AMPH: variants seen among roughly 807,000 people sequenced by gnomAD.
The protein encoded by AMPH is amphiphysin (Stiff-Mann syndrome with breast cancer 128kD autoantigen).
AMPH carries 49 observed loss-of-function variants against 99.1 expected under a neutral mutation model. That is an observed-to-expected ratio of 0.49 (90% CI 0.39 to 0.63). The LOEUF is 0.63. Ranked by LOEUF, AMPH falls within the 20% of genes least tolerant of loss-of-function variation. AMPH has a pLI of 0.00. For missense variants in AMPH, 759 were observed against 863.4 expected (o/e 0.88, Z 1.52); for synonymous variants, 314 against 317.3 (o/e 0.99, Z 0.11).
chr7:38,471,404 C>T (rs1364127587), intron 7 of AMPH, among the ~76,000 whole-genome samples: 1 of 152,152 alleles, frequency 6.6e-6, no homozygotes, highest in Non-Finnish European at 1.5e-5. Flanking sequence ...CCTTTACAAC[C>T]TGCAATCATA....
chr7:38,439,221 T>C (rs185871307), intron 11 of AMPH, among the ~76,000 whole-genome samples: 5 of 152,346 alleles, frequency 3.3e-5, no homozygotes, highest in Admixed American at 6.5e-5. Context: ...AAACCTTTTT[T>C]TCTTTATAAA....
intron 1 of AMPH, among the ~76,000 whole-genome samples, chr7:38,561,810 C>T (rs1326965731): frequency 6.6e-6 from 1 of 152,022 alleles, no homozygotes; most frequent in Non-Finnish European, 1.5e-5. Flanking sequence ...CAGACACCAG[C>T]GTTTCCTCTC....
At chr7:38,433,246 T>C (rs10281857) in intron 12 of AMPH, among the ~76,000 whole-genome samples, 149,558 of 152,334 alleles carry the variant, frequency 0.98, 73,419 homozygotes, top group East Asian at 1. Context: ...ATTCTAACCG[T>C]TCTGCATGGC....
intron 18 of AMPH, chr7:38,392,683 C>T (rs3778889): frequency 0.055 from 8,409 of 153,166 alleles, 296 homozygotes; most frequent in East Asian, 0.14. Flanking sequence ...CCACGCCCAG[C>T]CCCGCAGGCC....
At chr7:38,385,881 G>T (rs1272131296) in intron 20 of AMPH, among the ~76,000 whole-genome samples, 1 of 152,198 alleles carries the variant, frequency 6.6e-6, no homozygotes, top group African/African-American at 2.4e-5. Flanking sequence ...AGTGCAAGGA[G>T]TGGGAAATGA....
chr7:38,436,060 C>T (rs1226935136), intron 12 of AMPH, among the ~76,000 whole-genome samples: 3 of 152,186 alleles, frequency 2.0e-5, no homozygotes, highest in Non-Finnish European at 2.9e-5. Context: ...GTTATGCCAG[C>T]TCTATGGGTA....
intron 1 of AMPH, among the ~76,000 whole-genome samples, chr7:38,594,229 G>C (rs550985947): frequency 2.0e-5 from 3 of 152,268 alleles, no homozygotes; most frequent in Non-Finnish European, 2.9e-5. Flanking sequence ...TATGGATGTG[G>C]GGCAAGAAAG....
At chr7:38,388,029 GAAT>G (rs1005927167) in intron 20 of AMPH, among the ~76,000 whole-genome samples, 164 of 152,078 alleles carry the variant, frequency 1.1e-3, no homozygotes, top group African/African-American at 3.9e-3. Context: ...TAAAAATTAA[GAAT>G]AATAAAGACA....
chr7:38,565,095 G>A (rs1385314735), intron 1 of AMPH, among the ~76,000 whole-genome samples: 2 of 145,878 alleles, frequency 1.4e-5, no homozygotes, highest in Non-Finnish European at 3.0e-5. Flanking sequence ...CTGCACTCCA[G>A]CCTGGGTGAC....
At chr7:38,620,336 ATGTGTGTG>A (rs3056281) in intron 1 of AMPH, among the ~76,000 whole-genome samples, 26 of 145,726 alleles carry the variant, frequency 1.8e-4, no homozygotes, top group Admixed American at 4.1e-4. Context: ...AGATATATAT[ATGTGTGTG>A]TGTGTGTGTG....
rs1272212698 is a variant in AMPH, at chr7:38,631,340, G to C, written c.12C>G (p.Ile4Met). 1.3e-6 allele frequency: 2 copies of C among 1,556,092 alleles called. 1 individual carries two copies. Among genetic ancestry groups the C allele is most frequent in the Middle Eastern group, 3.4e-4 (2 of 5,852 alleles). ...CGTTCTTGGCGAAGATGCCCGTCTT[G>C]ATGTCGGCCATGGCTGCGGGTCCGG... Reference protein sequence around the residue: MADIKTGIFAKNVQ... With the variant: MADMKTGIFAKNVQ... Residue 4 changes from isoleucine (I) to methionine (M), a missense_variant, in exon 1 of 21, where the codon ATC (isoleucine) becomes ATG (methionine). Transcript: ENST00000356264.
At chr7:38,463,794 T>A (rs1787547560) in intron 9 of AMPH, among the ~76,000 whole-genome samples, 1 of 152,226 alleles carries the variant, frequency 6.6e-6, no homozygotes, top group Non-Finnish European at 1.5e-5. Context: ...GTTCCTGGCA[T>A]GCGGCCAGAC....
chr7:38,478,896 G>A (rs575741067), intron 5 of AMPH, among the ~76,000 whole-genome samples: 1 of 152,086 alleles, frequency 6.6e-6, no homozygotes, highest in African/African-American at 2.4e-5. Flanking sequence ...CTTGAAGACA[G>A]GTCACAATAA....
intron 1 of AMPH, among the ~76,000 whole-genome samples, chr7:38,573,201 G>A (rs946419235): frequency 6.6e-6 from 1 of 152,118 alleles, no homozygotes; most frequent in Non-Finnish European, 1.5e-5. Context: ...GCACTGCTCG[G>A]GCTTCCCATG....
At chr7:38,396,613 G>A (rs1254102599) in intron 17 of AMPH, among the ~76,000 whole-genome samples, 1 of 152,180 alleles carries the variant, frequency 6.6e-6, no homozygotes, top group Non-Finnish European at 1.5e-5. Flanking sequence ...TTGAAGTGGG[G>A]TAACAAGTAC....
chr7:38,401,584 G>C (rs1391711512), intron 17 of AMPH, among the ~76,000 whole-genome samples: 1 of 152,122 alleles, frequency 6.6e-6, no homozygotes, highest in African/African-American at 2.4e-5. Flanking sequence ...TTACTGTATT[G>C]TGTTTCTTTG....
intron 20 of AMPH, among the ~76,000 whole-genome samples, chr7:38,389,202 C>A (rs1053893181): frequency 6.6e-6 from 1 of 152,148 alleles, no homozygotes; most frequent in Non-Finnish European, 1.5e-5. Flanking sequence ...CTCTGCATAC[C>A]ATTTCAAGGG....
chr7:38,401,621 T>A (rs1784842555), intron 17 of AMPH, among the ~76,000 whole-genome samples: 6 of 152,362 alleles, frequency 3.9e-5, no homozygotes, highest in Admixed American at 3.3e-4. Flanking sequence ...GTTGTTCTAA[T>A]AGCTTCTGAC....
At chr7:38,493,245 A>C (rs1001403063) in intron 4 of AMPH, among the ~76,000 whole-genome samples, 1 of 152,164 alleles carries the variant, frequency 6.6e-6, no homozygotes, top group Non-Finnish European at 1.5e-5. Context: ...TGCCACATCA[A>C]ATTTAGGTCG....
Sources: gnomAD v4.1 joint callset for allele counts (sites outside exome capture counted in the v4.1 genomes callset) on GRCh38, gnomAD v4.1.1 for gene constraint, MANE v1.5 for transcripts, NCBI Gene and HGNC (gene_info 2026-07-23, HGNC 2026-07-21) for gene names.